Variants in NLGN1 observed in about 807,000 individuals in gnomAD.
NLGN1 encodes neuroligin 1, also known as neuroligin-1.
A neutral mutation model predicts 65.5 loss-of-function variants in NLGN1; 12 were observed. The ratio of observed to expected loss-of-function variants is 0.18; its 90% CI spans 0.12 to 0.30. NLGN1 has a LOEUF of 0.30. Among genes scored for constraint, NLGN1 ranks in the 10% least tolerant of loss-of-function variants. The pLI is 1.00. For synonymous variants in NLGN1, 350 were observed against 359.5 expected (o/e 0.97, Z 0.30); for missense variants, 750 against 1,007.1 (o/e 0.74, Z 3.46).
intron 4 of NLGN1, among the ~76,000 whole-genome samples, chr3:173,890,594 A>G (rs1735152150): frequency 6.6e-6 from 1 of 152,218 alleles, no homozygotes; most frequent in Admixed American, 6.6e-5. Context: ...AGGAGATAGC[A>G]TTGAAAGAAA....
intron 2 of NLGN1, among the ~76,000 whole-genome samples, chr3:173,466,844 G>A (rs1182262118): frequency 6.6e-6 from 1 of 152,122 alleles, no homozygotes; most frequent in African/African-American, 2.4e-5. Flanking sequence ...GGAATGAGCT[G>A]TTTCATTTAA....
At chr3:173,469,611 GA>G (rs1271017063) in intron 2 of NLGN1, among the ~76,000 whole-genome samples, 1 of 150,866 alleles carries the variant, frequency 6.6e-6, no homozygotes, top group African/African-American at 2.4e-5. Context: ...TAAGTCCTCA[GA>G]AAGTTGGCAT....
At chr3:173,897,452 T>C (rs1736540022) in intron 4 of NLGN1, among the ~76,000 whole-genome samples, 1 of 152,218 alleles carries the variant, frequency 6.6e-6, no homozygotes, top group Admixed American at 6.5e-5. Flanking sequence ...TGATGTCCTC[T>C]GCAGTTTTGT....
intron 4 of NLGN1, among the ~76,000 whole-genome samples, chr3:174,172,024 A>ATCTT (rs1224628242): frequency 6.6e-6 from 1 of 152,078 alleles, no homozygotes; most frequent in African/African-American, 2.4e-5. Context: ...AAATTTTTGG[A>ATCTT]TCTTTGCATG....
At chr3:173,994,171 G>C (rs1721761741) in intron 4 of NLGN1, among the ~76,000 whole-genome samples, 1 of 151,992 alleles carries the variant, frequency 6.6e-6, no homozygotes. Flanking sequence ...GCAGTGGCGT[G>C]ATCACAACTC....
chr3:173,913,928 C>A (rs965225789), intron 4 of NLGN1, among the ~76,000 whole-genome samples: 1 of 152,100 alleles, frequency 6.6e-6, no homozygotes, highest in Non-Finnish European at 1.5e-5. Flanking sequence ...GTTCCCTACC[C>A]AAGTCAAAAT....
intron 2 of NLGN1, among the ~76,000 whole-genome samples, chr3:173,458,563 C>G (rs947063376): frequency 5.3e-5 from 8 of 152,022 alleles, no homozygotes; most frequent in Admixed American, 2.6e-4. Context: ...TCCCCAAACT[C>G]CAGATCCAGC....
chr3:173,484,832 CAT>C (rs1278892089), intron 2 of NLGN1, among the ~76,000 whole-genome samples: 4 of 152,158 alleles, frequency 2.6e-5, no homozygotes, highest in South Asian at 4.2e-4. Context: ...AGAGGAGTGA[CAT>C]GTGATGCTTT....
At chr3:174,071,138 G>A (rs958395490) in intron 4 of NLGN1, among the ~76,000 whole-genome samples, 11 of 152,092 alleles carry the variant, frequency 7.2e-5, no homozygotes, top group African/African-American at 1.7e-4. Context: ...GGAAAACTCC[G>A]AAATTTTTTG....
intron 4 of NLGN1, among the ~76,000 whole-genome samples, chr3:174,108,627 G>C (rs1714514118): frequency 6.6e-6 from 1 of 152,082 alleles, no homozygotes; most frequent in Non-Finnish European, 1.5e-5. Flanking sequence ...TTATAGCCAA[G>C]GAACAGGGTA....
At chr3:173,780,958 G>A (rs965204736) in intron 3 of NLGN1, among the ~76,000 whole-genome samples, 13 of 151,916 alleles carry the variant, frequency 8.6e-5, no homozygotes, top group African/African-American at 2.9e-4. Context: ...TGCCTAACAC[G>A]GTGAAACCCC....
intron 4 of NLGN1, among the ~76,000 whole-genome samples, chr3:174,270,125 C>CTTTTTTTTTTTTTTTTTTTTTTT (rs10547985): frequency 8.3e-6 from 1 of 120,088 alleles, no homozygotes; most frequent in Non-Finnish European, 1.7e-5. Context: ...GGTTTCCTTT[C>CTTTTTTTTTTTTTTTTTTTTTTT]TTTTTTTTTT....
intron 4 of NLGN1, among the ~76,000 whole-genome samples, chr3:173,916,988 A>G (rs1418837513): frequency 2.0e-5 from 3 of 152,160 alleles, no homozygotes; most frequent in Non-Finnish European, 4.4e-5. Context: ...TCAGACTACA[A>G]TTGCTGAATA....
chr3:173,826,064 T>C (rs1177480183), intron 4 of NLGN1, among the ~76,000 whole-genome samples: 2 of 152,168 alleles, frequency 1.3e-5, no homozygotes, highest in Non-Finnish European at 2.9e-5. Context: ...TAGCTGTGTG[T>C]GTGTGTCTGT....
At chr3:174,231,091 A>G (rs895094215) in intron 4 of NLGN1, among the ~76,000 whole-genome samples, 1 of 152,230 alleles carries the variant, frequency 6.6e-6, no homozygotes, top group African/African-American at 2.4e-5. Context: ...AGGAACGAAC[A>G]AGGATACCTT....
rs115358939 is a variant in NLGN1, at chr3:174,162,076, A to G, written c.647-113239A>G. ...TCCTGGGGTAGTTACATAAAAATAC[A>G]GCCAAAACTAGTTTTGGACAATTTA... On this transcript the variant is annotated intron_variant, in intron 4 of 6. Transcript: ENST00000457714. 3.6e-3 allele frequency among the ~76,000 whole-genome samples: 550 copies of G among 152,014 alleles called. 3 individuals are homozygous for G. The highest frequency in any genetic ancestry group is 0.012 in the African/African-American group (501 of 41,522).
intron 3 of NLGN1, among the ~76,000 whole-genome samples, chr3:173,710,991 T>G (rs904777288): frequency 6.6e-6 from 1 of 152,236 alleles, no homozygotes; most frequent in Non-Finnish European, 1.5e-5. Context: ...TGTCTGTCTA[T>G]GAGTTTGAGA....
At chr3:173,620,468 A>G (rs796744741) in intron 3 of NLGN1, among the ~76,000 whole-genome samples, 1 of 152,194 alleles carries the variant, frequency 6.6e-6, no homozygotes, top group African/African-American at 2.4e-5. Flanking sequence ...CTGGAACTCA[A>G]GAAGGCAGGA....
intron 2 of NLGN1, among the ~76,000 whole-genome samples, chr3:173,519,279 G>A (rs1020288768): frequency 2.0e-5 from 3 of 152,232 alleles, no homozygotes; most frequent in African/African-American, 7.2e-5. Context: ...GCATGGTGGG[G>A]AAATGTGGGG....
Sources: allele counts gnomAD v4.1 joint callset (sites outside exome capture counted in the v4.1 genomes callset), GRCh38; gene constraint gnomAD v4.1.1; transcripts MANE v1.5; gene names NCBI Gene and HGNC (gene_info 2026-07-23, HGNC 2026-07-21).